BOP1: variants seen among roughly 807,000 people sequenced by gnomAD.
BOP1 encodes BOP1 ribosomal biogenesis factor.
Under a neutral mutation model 82.9 loss-of-function variants are expected in BOP1, and 54 were observed. That is an observed-to-expected ratio of 0.65 (90% CI 0.52 to 0.82). The LOEUF is 0.82. Ranked by LOEUF, BOP1 falls within the 40% of genes least tolerant of loss-of-function variation. The pLI, the probability that BOP1 is intolerant of heterozygous loss-of-function variation, is 0.00. For missense variants in BOP1, 1,170 were observed against 1,072.0 expected (o/e 1.09, Z -1.28); for synonymous variants, 566 against 451.1 (o/e 1.25, Z -3.23).
chr8:144,264,840 C>T lies in BOP1; in HGVS notation c.546-9G>A, dbSNP rs974856895. 1.9e-5 allele frequency: 31 copies of T among 1,608,746 alleles called. No individual in the cohort carries two copies. The highest frequency in any genetic ancestry group is 2.2e-5 in the East Asian group (1 of 44,800). On this transcript the variant is annotated splice_polypyrimidine_tract_variant and intron_variant, in intron 4 of 15. Transcript: ENST00000569669. ...GGTCCTGCACGGTGCGCCTGGAGAC[C>T]GCCAGTCAGACCCCGCCAGCCCTGC...
intron 3 of BOP1, chr8:144,266,858 C>G (rs1471071494): frequency 2.8e-6 from 4 of 1,416,112 alleles, no homozygotes; most frequent in Non-Finnish European, 3.7e-6. Flanking sequence ...ACGGCGAACG[C>G]GCGCGAGCGA....
chr8:144,289,334 T>C lies in BOP1; in HGVS notation c.100-30A>G, dbSNP rs782231288. ...AAGGAAACACTGGGTTGGTGACAAC[T>C]GCCCCTCCAGGCATGGGGCACTGAA... On this transcript the variant is annotated intron_variant, in intron 1 of 15. Transcript: ENST00000569669. 3.3e-5 allele frequency: 53 copies of C among 1,606,934 alleles called. No homozygotes were observed. In the South Asian group the frequency reaches 5.8e-4, roughly 17 times the overall value.
Position 144,291,192 on chromosome 8 carries a change from G to C in BOP1, c.99+80C>G. On this transcript the variant is annotated intron_variant, in intron 1 of 15. Transcript: ENST00000569669. This position sits in a 1 kb window ranked among gnomAD's most constrained non-coding sequence, Gnocchi z 4.1. ...GCGGGCGCCCAGGTGACAGAAGCCG[G>C]GCCCACCCGCCCCAGCGCGGCCACG... 8.0e-7 allele frequency: 1 copy of C among 1,255,152 alleles called. No individual in the cohort carries two copies. Among genetic ancestry groups the C allele is most frequent in the Non-Finnish European group, 1.0e-6 (1 of 984,574 alleles). 77.8% of individuals were successfully genotyped at this position (1,255,152 alleles called of 1,614,324 possible).
chr8:144,264,896 C>T, intron 4 of BOP1, 21 bp downstream of exon 4: 1 of 1,603,100 alleles, frequency 6.2e-7, no homozygotes, highest in Non-Finnish European at 8.5e-7. Flanking sequence ...CGGCTGCTGG[C>T]CCCACCCCAC....
intron 2 of BOP1, chr8:144,281,566 TCACTTTCATACCAGGTCTTTGGCCTTC>T (rs1554838942): frequency 3.5e-5 from 5 of 142,160 alleles, no homozygotes; most frequent in African/African-American, 1.1e-4. Flanking sequence ...CGGCCTTCCC[TCACTTTCATACCAGGTCTTTGGCCTTC>T]TCTCACTTTA....
rs1363269031 is a variant in BOP1, at chr8:144,281,346, C to A, written c.310-5042G>T. 1.8e-3 allele frequency among the ~76,000 whole-genome samples: 8 copies of A among 4,446 alleles called. 2 individuals are homozygous for A. Among genetic ancestry groups the A allele is most frequent in the East Asian group, 5.7e-3 (1 of 174 alleles). The allele number at this position is 4,446 out of a possible 152,430, so 2.9% of individuals were successfully genotyped here. Reference sequence around the variant, plus strand: ...TTCTCTCAGTTTAATACCAGGTCTTCGGCCTTCCCTCAGTTTAATACCAGG... The same window carrying A: ...TTCTCTCAGTTTAATACCAGGTCTTAGGCCTTCCCTCAGTTTAATACCAGG... On this transcript the variant is annotated intron_variant, in intron 2 of 15. Transcript: ENST00000569669.
chr8:144,268,084 C>T (rs923995672), intron 3 of BOP1: 33 of 1,550,068 alleles, frequency 2.1e-5, no homozygotes, highest in Admixed American at 1.2e-4. Flanking sequence ...GGGCCTGACA[C>T]TCCTCCCTCC....
intron 3 of BOP1, among the ~76,000 whole-genome samples, chr8:144,275,430 C>G (rs1034989972): frequency 5.7e-5 from 8 of 140,444 alleles, no homozygotes; most frequent in African/African-American, 2.2e-4. Flanking sequence ...AGCCTCTCCA[C>G]GCCGGCGGAA....
intron 3 of BOP1, among the ~76,000 whole-genome samples, chr8:144,272,743 A>T (rs1464808261): frequency 6.6e-6 from 1 of 151,914 alleles, no homozygotes; most frequent in East Asian, 1.9e-4. Context: ...AGCCCAGGGT[A>T]CCCCCATGAG....
chr8:144,287,164 C>T (rs529007471), intron 2 of BOP1, among the ~76,000 whole-genome samples: 13 of 152,244 alleles, frequency 8.5e-5, no homozygotes, highest in African/African-American at 2.9e-4. Context: ...CACGCGCCAC[C>T]ACGCCCAGCT....
chr8:144,263,200 C>T, intron 12 of BOP1, 21 bp downstream of exon 12: 1 of 1,593,424 alleles, frequency 6.3e-7, no homozygotes, highest in Non-Finnish European at 8.5e-7. Flanking sequence ...TGCAGCCTCA[C>T]CCCCAAGGCG....
intron 3 of BOP1, chr8:144,265,643 C>T (rs1024747100): frequency 3.1e-5 from 5 of 162,622 alleles, no homozygotes; most frequent in Admixed American, 5.6e-5. Context: ...GGGACCGCTG[C>T]CCAGGAGGCT....
chr8:144,263,861 G>T lies in BOP1; in HGVS notation c.1191C>A (p.Asp397Glu). Reference sequence around the variant, plus strand: ...CCTGGCACGTGGGGAAGGGCTGCAGGTCCCTCGGCCGAGGCAGCTTGGGGA... The same window carrying T: ...CCTGGCACGTGGGGAAGGGCTGCAGTTCCCTCGGCCGAGGCAGCTTGGGGA... ...DLIPKLPRPRDLQPFPTCQAL... is the reference protein window; with the variant it reads ...DLIPKLPRPRELQPFPTCQAL... Residue 397 changes from aspartate to glutamate, a missense_variant, in exon 9 of 16, where the codon GAC (aspartate) becomes GAA (glutamate). Physicochemically the swap from Asp to Glu is conservative, Grantham distance 45. Coordinates refer to ENST00000569669, the MANE Select transcript of BOP1 (RefSeq NM_015201.5). 6.2e-7 allele frequency: 1 copy of T among 1,611,538 alleles called. No homozygotes were observed. The highest frequency in any genetic ancestry group is 8.5e-7 in the Non-Finnish European group (1 of 1,179,664).
At chr8:144,263,180 C>G in intron 12 of BOP1, 39 bp from the exon 13 acceptor site, 1 of 1,591,586 alleles carries the variant, frequency 6.3e-7, no homozygotes, top group Non-Finnish European at 8.5e-7. Flanking sequence ...CTGAGCCGGG[C>G]CCCTCCCGCT....
chr8:144,270,468 G>T (rs1345750177), intron 3 of BOP1, among the ~76,000 whole-genome samples: 1 of 152,146 alleles, frequency 6.6e-6, no homozygotes, highest in African/African-American at 2.4e-5. Flanking sequence ...TCCGCTGCGG[G>T]CCTGACTCCG....
chr8:144,273,812 G>A (rs1020287663), intron 3 of BOP1, among the ~76,000 whole-genome samples: 5 of 150,966 alleles, frequency 3.3e-5, no homozygotes, highest in Admixed American at 6.5e-5. Context: ...CACTGCCGGC[G>A]GCAGGACCCC....
chr8:144,271,562 G>A (rs1276972847), intron 3 of BOP1, among the ~76,000 whole-genome samples: 6 of 152,146 alleles, frequency 3.9e-5, no homozygotes, highest in African/African-American at 1.2e-4. Context: ...ACGTGAGGCC[G>A]CCTCCTCTTC....
intron 2 of BOP1, among the ~76,000 whole-genome samples, chr8:144,282,793 G>A (rs782436916): frequency 9.9e-5 from 15 of 151,994 alleles, no homozygotes; most frequent in Non-Finnish European, 1.5e-4. Flanking sequence ...GTCAGGGGAG[G>A]AGCTGCAAAG....
At chr8:144,266,939 G>T in intron 3 of BOP1, 1 of 1,558,764 alleles carries the variant, frequency 6.4e-7, no homozygotes, top group African/African-American at 1.4e-5. Context: ...CCCGCCGACC[G>T]CAAGCTCTCC....
Sources: gnomAD v4.1 joint callset for allele counts (sites outside exome capture counted in the v4.1 genomes callset) on GRCh38, gnomAD v4.1.1 for gene constraint, Gnocchi (gnomAD v3.1) non-coding constraint, MANE v1.5 for transcripts, NCBI Gene and HGNC (gene_info 2026-07-23, HGNC 2026-07-21) for gene names.